The following PIK3C3 variants were observed in gnomAD, a reference collection of about 807,000 sequenced individuals.
The protein encoded by PIK3C3 is phosphatidylinositol 3-kinase catalytic subunit type 3, also known as PI3-kinase type 3.
A neutral mutation model predicts 126.1 loss-of-function variants in PIK3C3; 95 were observed. The observed-to-expected ratio is 0.75, with a 90% CI of 0.64 to 0.89. PIK3C3 has a LOEUF of 0.89. PIK3C3 is among the 40% of genes least tolerant of loss of function. PIK3C3 has a pLI of 0.00. For missense variants in PIK3C3, 829 were observed against 1,063.2 expected (o/e 0.78, Z 3.06); for synonymous variants, 374 against 360.0 (o/e 1.04, Z -0.44).
At chr18:42,058,353 T>C (rs555320098) in intron 22 of PIK3C3, among the ~76,000 whole-genome samples, 1 of 152,320 alleles carries the variant, frequency 6.6e-6, no homozygotes, top group East Asian at 1.9e-4. Context: ...TTGATGTCAC[T>C]TTAATAAAGT....
intron 24 of PIK3C3, among the ~76,000 whole-genome samples, chr18:42,076,940 G>C (rs921153791): frequency 6.6e-6 from 1 of 152,144 alleles, no homozygotes; most frequent in African/African-American, 2.4e-5. Flanking sequence ...TTTTGGGACT[G>C]TCTCTGCTAT....
At chr18:42,023,847 T>C (rs1983435605) in intron 13 of PIK3C3, among the ~76,000 whole-genome samples, 1 of 152,242 alleles carries the variant, frequency 6.6e-6, no homozygotes, top group South Asian at 2.1e-4. Context: ...CTTTGAACAC[T>C]TGAATTTCCT....
chr18:41,956,135 TC>T (rs1301160174), intron 1 of PIK3C3, among the ~76,000 whole-genome samples: 1 of 152,210 alleles, frequency 6.6e-6, no homozygotes, highest in Non-Finnish European at 1.5e-5. Flanking sequence ...CATAGCATCA[TC>T]CATAATTAAT....
chr18:41,991,373 A>T (rs962922608), intron 6 of PIK3C3, among the ~76,000 whole-genome samples: 10 of 151,324 alleles, frequency 6.6e-5, no homozygotes, highest in African/African-American at 1.9e-4. Context: ...AAATAAATAT[A>T]AAAAAAAATG....
chr18:42,015,626 A>G, intron 12 of PIK3C3, 60 bp downstream of exon 12: 1 of 1,167,380 alleles, frequency 8.6e-7, no homozygotes, highest in Non-Finnish European at 1.3e-6. Flanking sequence ...AACATTTTAT[A>G]CTTGTCTTTA....
intron 15 of PIK3C3, among the ~76,000 whole-genome samples, chr18:42,032,148 C>A (rs1286691602): frequency 6.6e-6 from 1 of 152,104 alleles, no homozygotes; most frequent in Non-Finnish European, 1.5e-5. Context: ...AGAGAGCAAG[C>A]CGGTCTTCTG....
At chr18:41,982,356 G>GT (rs1981248566) in intron 4 of PIK3C3, among the ~76,000 whole-genome samples, 1 of 152,222 alleles carries the variant, frequency 6.6e-6, no homozygotes, top group South Asian at 2.1e-4. Context: ...AATTTATATG[G>GT]TTTTGTAGTT....
intron 3 of PIK3C3, among the ~76,000 whole-genome samples, chr18:41,964,950 T>G (rs907496867): frequency 3.9e-5 from 6 of 152,212 alleles, no homozygotes; most frequent in African/African-American, 1.4e-4. Flanking sequence ...TTATTAAAAT[T>G]CATACAGGAA....
At chr18:41,985,768 A>G (rs1981443094) in intron 4 of PIK3C3, among the ~76,000 whole-genome samples, 1 of 152,140 alleles carries the variant, frequency 6.6e-6, no homozygotes, top group Non-Finnish European at 1.5e-5. Context: ...TACAATTGAG[A>G]TAGGTCATAT....
intron 4 of PIK3C3, among the ~76,000 whole-genome samples, chr18:41,977,958 T>G (rs994602271): frequency 3.3e-5 from 5 of 152,024 alleles, no homozygotes; most frequent in African/African-American, 1.2e-4. Flanking sequence ...TTTTGTTTGT[T>G]TTTGTTTGTT....
intron 4 of PIK3C3, among the ~76,000 whole-genome samples, chr18:41,983,207 G>T (rs531096633): frequency 4.6e-5 from 7 of 152,198 alleles, no homozygotes; most frequent in Non-Finnish European, 8.8e-5. Flanking sequence ...TTCTGTTAGG[G>T]CAGAGAACTT....
intron 20 of PIK3C3, among the ~76,000 whole-genome samples, chr18:42,046,562 TAAC>T (rs973323303): frequency 2.0e-5 from 3 of 152,150 alleles, no homozygotes; most frequent in Admixed American, 1.3e-4. Flanking sequence ...ATAAAAAAAC[TAAC>T]AACATTGTTT....
At chr18:42,039,362 T>C (rs1351819927) in intron 18 of PIK3C3, among the ~76,000 whole-genome samples, 1 of 152,242 alleles carries the variant, frequency 6.6e-6, no homozygotes, top group African/African-American at 2.4e-5. Context: ...CAGTTTCTTC[T>C]CAGAATGATA....
rs545369372 is a variant in PIK3C3 at position 42,078,988 on chromosome 18, C to T, written c.2650-2135C>T. 2.0e-5 allele frequency among the ~76,000 whole-genome samples: 3 copies of T among 152,324 alleles called. No individual in the cohort carries two copies. In the East Asian group the frequency reaches 5.8e-4, roughly 29 times the overall value. ...CAGACCACAAAAACTTCCTCCATAT[C>T]AGCAATAAAGCTGTTTTGCTCTCAT... On this transcript the variant is annotated intron_variant, in intron 24 of 24. Transcript: ENST00000262039.
At chr18:42,036,043 C>A (rs1042999221) in intron 16 of PIK3C3, among the ~76,000 whole-genome samples, 2 of 152,060 alleles carry the variant, frequency 1.3e-5, no homozygotes, top group African/African-American at 4.8e-5. Context: ...GATTCTCCTG[C>A]CTGTCATTTA....
chr18:42,006,356 A>G (rs1215112030), intron 10 of PIK3C3, among the ~76,000 whole-genome samples: 1 of 152,110 alleles, frequency 6.6e-6, no homozygotes, highest in Admixed American at 6.5e-5. Flanking sequence ...TTTCTGAGAA[A>G]AGCAGAAAAA....
chr18:42,044,392 ATTTTTTTC>A (rs1984465625), intron 20 of PIK3C3, among the ~76,000 whole-genome samples: 2 of 148,660 alleles, frequency 1.3e-5, no homozygotes, highest in Non-Finnish European at 3.0e-5. Context: ...CATTTTCTTT[ATTTTTTTC>A]TTTTCTTTTC....
At position 42,084,411 on chromosome 18, in the gene PIK3C3, A is replaced by G. The variant is rs746586454; in HGVS notation, c.*3274A>G. 26 of 152,136 alleles carry G rather than the reference A, an allele frequency of 1.7e-4. No homozygotes were observed. Among genetic ancestry groups the G allele is most frequent in the Non-Finnish European group, 3.5e-4 (24 of 68,022 alleles). 9.4% of individuals were successfully genotyped at this position (152,136 alleles called of 1,614,324 possible). ...ATTTGAAGAACAATGTGAACTTTCT[A>G]TAATTATATACAGAAAATATACTGA... On this transcript the variant is annotated 3_prime_UTR_variant, in exon 25 of 25. Transcript: ENST00000262039.
intron 4 of PIK3C3, among the ~76,000 whole-genome samples, chr18:41,982,814 C>T (rs943766203): frequency 9.9e-5 from 15 of 152,118 alleles, no homozygotes; most frequent in Admixed American, 3.9e-4. Flanking sequence ...AGAATCATAC[C>T]GTATCTGTGT....
Sources: gnomAD v4.1 joint callset for allele counts (sites outside exome capture counted in the v4.1 genomes callset) on GRCh38, gnomAD v4.1.1 for gene constraint, MANE v1.5 for transcripts, NCBI Gene and HGNC (gene_info 2026-07-23, HGNC 2026-07-21) for gene names.